Variants in RBPJ observed in about 807,000 individuals in gnomAD.
RBPJ encodes recombination signal binding protein for immunoglobulin kappa J region, also known as recombining binding protein suppressor of hairless.
Under a neutral mutation model 67.8 loss-of-function variants are expected in RBPJ, and 9 were observed. The observed-to-expected ratio is 0.13, with a 90% CI of 0.08 to 0.23. The LOEUF is 0.23. Among genes scored for constraint, RBPJ ranks in the 10% least tolerant of loss-of-function variants. The probability of loss-of-function intolerance (pLI) is 1.00; values close to 1 mark genes in which losing one functional copy is unlikely to be tolerated. For missense variants in RBPJ, 305 were observed against 595.6 expected (o/e 0.51, Z 5.08); for synonymous variants, 198 against 203.3 (o/e 0.97, Z 0.22).
chr4:26,413,142 T>TGCTCTGTACTCCAGCC (rs1490465178), intron 3 of RBPJ, among the ~76,000 whole-genome samples: 1 of 152,208 alleles, frequency 6.6e-6, no homozygotes, highest in African/African-American at 2.4e-5. Flanking sequence ...ATCCCCCTCT[T>TGCTCTGTACTCCAGCC]GCTCTGTACT....
At chr4:26,397,047 T>C (rs182059278) in intron 2 of RBPJ, among the ~76,000 whole-genome samples, 1 of 152,348 alleles carries the variant, frequency 6.6e-6, no homozygotes, top group East Asian at 1.9e-4. Context: ...AAGGAGATCT[T>C]AGTCTGGTCT....
chr4:26,255,320 C>G (rs1413812233), intron 1 of RBPJ, among the ~76,000 whole-genome samples: 1 of 116,116 alleles, frequency 8.6e-6, no homozygotes, highest in Non-Finnish European at 1.6e-5. Context: ...AGGAGAATGG[C>G]GTGAACCCAG....
the RBPJ span, chr4:26,112,452 G>A: frequency 6.6e-6 from 1 of 151,032 alleles, no homozygotes; most frequent in Non-Finnish European, 1.5e-5. Context: ...AAAGAGGGAT[G>A]TCATTAATCA....
chr4:26,151,054 T>C, the RBPJ span, among the ~76,000 whole-genome samples: 1 of 152,184 alleles, frequency 6.6e-6, no homozygotes, highest in Middle Eastern at 3.2e-3. Context: ...AAATACTTTT[T>C]GATGATGGAG....
chr4:26,145,209 A>G, the RBPJ span, among the ~76,000 whole-genome samples: 4 of 152,174 alleles, frequency 2.6e-5, no homozygotes, highest in Non-Finnish European at 4.4e-5. Context: ...TTTTACAACT[A>G]TGCCTTCGGT....
At chr4:26,214,546 AGGGAGGG>A (rs1718565456) in intron 1 of RBPJ, among the ~76,000 whole-genome samples, 3 of 91,978 alleles carry the variant, frequency 3.3e-5, no homozygotes, top group South Asian at 4.7e-4. Context: ...GGAGGGAGGG[AGGGAGGG>A]AAAAGAGAGA....
intron 1 of RBPJ, among the ~76,000 whole-genome samples, chr4:26,364,866 G>T (rs1728465597): frequency 1.3e-5 from 2 of 151,500 alleles, no homozygotes. Context: ...ATCTGCCCAT[G>T]TCGGCCTCCC....
At chr4:26,150,480 A>G in the RBPJ span, among the ~76,000 whole-genome samples, 1 of 152,218 alleles carries the variant, frequency 6.6e-6, no homozygotes, top group African/African-American at 2.4e-5. Flanking sequence ...TAGAGCACTT[A>G]CAGTGTGTTG....
chr4:26,286,023 GC>G (rs930229088), intron 1 of RBPJ, among the ~76,000 whole-genome samples: 6 of 73,652 alleles, frequency 8.1e-5, no homozygotes, highest in African/African-American at 2.0e-4. Flanking sequence ...ACTTGCTTGA[GC>G]CCAGGAATTC....
chr4:26,243,629 A>T (rs1387615931), intron 1 of RBPJ, among the ~76,000 whole-genome samples: 2 of 152,246 alleles, frequency 1.3e-5, no homozygotes, highest in Non-Finnish European at 1.5e-5. Flanking sequence ...TAAAATATTC[A>T]TCCAAAGTGC....
At chr4:26,331,925 G>A (rs1368564429) in intron 1 of RBPJ, among the ~76,000 whole-genome samples, 1 of 152,222 alleles carries the variant, frequency 6.6e-6, no homozygotes, top group Non-Finnish European at 1.5e-5. Flanking sequence ...GCTACAACTT[G>A]AAATTTTATA....
At chr4:26,310,247 GTC>G (rs1226084764) in intron 1 of RBPJ, among the ~76,000 whole-genome samples, 2 of 152,164 alleles carry the variant, frequency 1.3e-5, no homozygotes, top group Non-Finnish European at 2.9e-5. Context: ...GAATTGCAGA[GTC>G]TGATGGAATC....
chr4:26,222,550 C>CTGATT (rs1233578053), intron 1 of RBPJ, among the ~76,000 whole-genome samples: 1 of 146,878 alleles, frequency 6.8e-6, no homozygotes, highest in African/African-American at 2.5e-5. Context: ...TCCAGTTATC[C>CTGATT]TGATTTGATT....
chr4:26,254,765 C>A (rs1052586991), intron 1 of RBPJ, among the ~76,000 whole-genome samples: 2 of 144,618 alleles, frequency 1.4e-5, no homozygotes, highest in African/African-American at 5.6e-5. Flanking sequence ...GCAGCCTCTG[C>A]CTCCTGAGTT....
chr4:26,307,199 G>A (rs761791703), intron 1 of RBPJ, among the ~76,000 whole-genome samples: 2 of 152,158 alleles, frequency 1.3e-5, no homozygotes, highest in Non-Finnish European at 2.9e-5. Context: ...AGGACTGACT[G>A]AGATGATTGA....
intron 1 of RBPJ, among the ~76,000 whole-genome samples, chr4:26,384,775 TCCTCTCTCCTCTCCCCTCTCCCCCTCC>T (rs1730647230): frequency 6.9e-6 from 1 of 144,540 alleles, no homozygotes; most frequent in Non-Finnish European, 1.5e-5. Flanking sequence ...TTCCCTCTCC[TCCTCTCTCCTCTCCCCTCTCCCCCTCC>T]CCTCTCGCCT....
At chr4:26,283,541 T>C (rs1397385781) in intron 1 of RBPJ, among the ~76,000 whole-genome samples, 1 of 151,572 alleles carries the variant, frequency 6.6e-6, no homozygotes, top group Admixed American at 6.6e-5. Context: ...GGAGACTCTG[T>C]CTCAAAAAAA....
the RBPJ span, among the ~76,000 whole-genome samples, chr4:26,109,452 C>CTATA: frequency 1.2e-4 from 3 of 24,220 alleles, no homozygotes; most frequent in Non-Finnish European, 2.3e-4. Context: ...CTCTCTCTCT[C>CTATA]TCTCTCTCTA....
intron 1 of RBPJ, chr4:26,359,584 C>T (rs1344197910): frequency 1.3e-5 from 2 of 152,176 alleles, no homozygotes; most frequent in Non-Finnish European, 2.9e-5. Context: ...GCCTCGAGGC[C>T]TTCCCTGCTT....
Sources: gnomAD v4.1 joint callset for allele counts (sites outside exome capture counted in the v4.1 genomes callset) on GRCh38, gnomAD v4.1.1 for gene constraint, MANE v1.5 for transcripts, NCBI Gene and HGNC (gene_info 2026-07-23, HGNC 2026-07-21) for gene names.